Variants in ZNF618 observed in about 807,000 individuals in gnomAD.
ZNF618 encodes neural precursor cell expressed, developmentally down-regulated 10.
Under a neutral mutation model 103.0 loss-of-function variants are expected in ZNF618, and 34 were observed. That is an observed-to-expected ratio of 0.33 (90% confidence interval 0.25 to 0.44). ZNF618 has a LOEUF of 0.44. Among genes scored for constraint, ZNF618 ranks in the 20% least tolerant of loss-of-function variants. The pLI, the probability that ZNF618 is intolerant of heterozygous loss-of-function variation, is 1.00. For missense variants in ZNF618, 1,059 were observed against 1,295.4 expected, an observed-to-expected ratio of 0.82 and a Z score of 2.80; for synonymous variants, 551 against 542.2, an observed-to-expected ratio of 1.02 and a Z score of -0.23.
rs144836337 is a variant in ZNF618 at position 114,027,450 on chromosome 9, G to A, written c.845-1283G>A. The stretch of plus-strand genomic sequence containing the variant: ...AGGCGAGGAGTGGGTGACCCTCCAC[G>A]GGGGAGAATGGGCAGCCCCAGTCCT... On this transcript the variant is annotated intron_variant, in intron 10 of 14. Coordinates refer to ENST00000374126, the MANE Select transcript of ZNF618 (RefSeq NM_001318042.2). 5.6e-4 allele frequency among the ~76,000 whole-genome samples: 86 copies of A among 152,316 alleles called. 1 individual carries two copies. Among genetic ancestry groups the A allele is most frequent in the African/African-American group, 1.4e-3 (60 of 41,574 alleles).
chr9:113,909,118 C>CAAGGACACTCTCTCTCTCTCTGAGCTT (rs1831260942), intron 1 of ZNF618, among the ~76,000 whole-genome samples: 1 of 151,902 alleles, frequency 6.6e-6, no homozygotes, highest in Non-Finnish European at 1.5e-5. Context: ...GGGACCTGAG[C>CAAGGACACTCTCTCTCTCTCTGAGCTT]AAGGACACTC....
At chr9:113,891,820 T>C (rs186115175) in intron 1 of ZNF618, among the ~76,000 whole-genome samples, 154 of 152,288 alleles carry the variant, frequency 1.0e-3, no homozygotes, top group Admixed American at 2.4e-3. Context: ...TTAAAAATGG[T>C]TAAGATGGTA....
At position 114,002,651 on chromosome 9, in the gene ZNF618, C is replaced by T. The variant is rs760906803; in HGVS notation, c.539C>T (p.Ala180Val). ...RDTEATSGEGASQSNNFRYTC... is the reference protein window; with the variant it reads ...RDTEATSGEGVSQSNNFRYTC... ...ACCGAAGCCACCTCAGGGGAGGGAGCCTCCCAAAGCAGTGAGTACTTTTTC... is the reference window on the plus strand; with the variant it reads ...ACCGAAGCCACCTCAGGGGAGGGAGTCTCCCAAAGCAGTGAGTACTTTTTC... The change falls in exon 6 of 15, where the codon GCC becomes GTC. Residue 180 changes from alanine to valine, a missense_variant. Coordinates refer to ENST00000374126, the MANE Select transcript of ZNF618 (RefSeq NM_001318042.2). The T allele has an allele frequency of 1.2e-6, 2 of 1,611,174 alleles. No homozygotes were observed. The highest frequency in any genetic ancestry group is 2.7e-5 in the African/African-American group (2 of 74,912).
At chr9:113,945,844 T>TA (rs1834976853) in intron 1 of ZNF618, among the ~76,000 whole-genome samples, 1 of 152,226 alleles carries the variant, frequency 6.6e-6, no homozygotes, top group Non-Finnish European at 1.5e-5. Context: ...AAATGTCTCG[T>TA]AAAAAGTTAA....
intron 12 of ZNF618, among the ~76,000 whole-genome samples, chr9:114,032,951 C>T (rs1447607986): frequency 2.0e-5 from 3 of 152,146 alleles, no homozygotes; most frequent in African/African-American, 7.2e-5. Context: ...TGGACAATGC[C>T]TCCTCTCTGT....
At chr9:113,879,956 G>A (rs985078454) in intron 1 of ZNF618, among the ~76,000 whole-genome samples, 2 of 152,006 alleles carry the variant, frequency 1.3e-5, no homozygotes, top group Admixed American at 6.5e-5. Context: ...AAAGATGGCT[G>A]GTCAGTATAA....
chr9:114,044,397 T>C, intron 13 of ZNF618, among the ~76,000 whole-genome samples: 1 of 152,228 alleles, frequency 6.6e-6, no homozygotes, highest in East Asian at 1.9e-4. Flanking sequence ...TCTATTGGTC[T>C]ATGTGCCTAT....
rs538490721 is a variant in ZNF618, at chr9:113,920,197, G to C, written c.33+43784G>C. On this transcript the variant is annotated intron_variant, in intron 1 of 14. Coordinates refer to ENST00000374126, the MANE Select transcript of ZNF618 (RefSeq NM_001318042.2). ...TCATTCAGCCAGTTGCCATGGCGAT[G>C]CAGAAGTCACCTGCTTGATCTCTGA... Among the ~76,000 whole-genome samples, 3 of 152,268 alleles carry C rather than the reference G, an allele frequency of 2.0e-5. No individual in the cohort carries two copies. In the South Asian group the frequency reaches 6.2e-4, roughly 32 times the overall value.
intron 1 of ZNF618, among the ~76,000 whole-genome samples, chr9:113,920,786 T>G (rs1048210118): frequency 6.6e-6 from 1 of 152,254 alleles, no homozygotes; most frequent in Non-Finnish European, 1.5e-5. Flanking sequence ...GCAAGCACAG[T>G]ACCTAGCACA....
chr9:113,969,126 G>C lies in ZNF618; in HGVS notation c.43G>C (p.Ala15Pro). ...GGAAAPQADG[A>P]SAAGRKSTAS... ...TGGGTTTCTTTTGCAGGCTGACGGAGCCAGTGCAGCCGGAAGGAAAAGCAC... is the reference window on the plus strand; with the variant it reads ...TGGGTTTCTTTTGCAGGCTGACGGACCCAGTGCAGCCGGAAGGAAAAGCAC... Residue 15 changes from alanine to proline, a missense_variant, in exon 2 of 15, where the codon GCC (alanine) becomes CCC (proline). Ala to Pro is a conservative substitution (Grantham distance 27). Around this residue, in one of 6 missense-constraint regions of ZNF618, gnomAD observed 194 missense variants for 209.0 expected, o/e 0.93. Transcript: ENST00000374126. 1 of 1,613,930 alleles carries C rather than the reference G, an allele frequency of 6.2e-7. No homozygotes were observed. Among genetic ancestry groups the C allele is most frequent in the Non-Finnish European group, 8.5e-7 (1 of 1,179,882 alleles).
At chr9:113,969,214 G>A (rs1837721006) in intron 2 of ZNF618, 54 bp downstream of exon 2, 1 of 1,604,972 alleles carries the variant, frequency 6.2e-7, no homozygotes, top group Non-Finnish European at 8.5e-7. Flanking sequence ...AGGTCTTCAT[G>A]ACTAACAGTT....
chr9:113,965,844 A>G (rs1009903214), intron 1 of ZNF618, among the ~76,000 whole-genome samples: 16 of 152,162 alleles, frequency 1.1e-4, no homozygotes, highest in South Asian at 2.1e-4. Context: ...AGTAATGACT[A>G]TGTATACCAG....
intron 3 of ZNF618, among the ~76,000 whole-genome samples, chr9:113,989,943 G>C (rs1230072352): frequency 6.6e-6 from 1 of 152,218 alleles, no homozygotes; most frequent in Non-Finnish European, 1.5e-5. Context: ...TTGCTCCCCT[G>C]CTTATACCCT....
chr9:113,906,842 T>TC (rs1831035571), intron 1 of ZNF618, among the ~76,000 whole-genome samples: 1 of 152,208 alleles, frequency 6.6e-6, no homozygotes, highest in Admixed American at 6.5e-5. Context: ...TACTGAAAAG[T>TC]CCAGGGGTTA....
At chr9:113,973,195 A>T (rs954085993) in intron 2 of ZNF618, among the ~76,000 whole-genome samples, 1 of 152,194 alleles carries the variant, frequency 6.6e-6, no homozygotes, top group East Asian at 1.9e-4. Context: ...AGCTCATTTA[A>T]TCCTTCTTCA....
chr9:113,988,682 G>A, intron 3 of ZNF618, 102 bp downstream of exon 3: 7 of 1,443,558 alleles, frequency 4.8e-6, no homozygotes, highest in Non-Finnish European at 5.5e-6. Context: ...CTTCCTGGCT[G>A]AGAGAACCTT....
intron 12 of ZNF618, among the ~76,000 whole-genome samples, chr9:114,033,244 T>C (rs1196975779): frequency 6.6e-6 from 1 of 152,104 alleles, no homozygotes; most frequent in African/African-American, 2.4e-5. Context: ...ATCCCATCTC[T>C]ACTAAAAATA....
chr9:113,903,496 C>G (rs1830726211), intron 1 of ZNF618, among the ~76,000 whole-genome samples: 1 of 151,528 alleles, frequency 6.6e-6, no homozygotes, highest in Non-Finnish European at 1.5e-5. Context: ...TTAATCAACA[C>G]TCAGTATTTC....
intron 6 of ZNF618, among the ~76,000 whole-genome samples, 191 bp from the exon 7 acceptor site, chr9:114,007,159 C>T (rs926906720): frequency 7.2e-5 from 11 of 152,178 alleles, no homozygotes; most frequent in African/African-American, 1.7e-4. Flanking sequence ...CCGGCCCTCC[C>T]GGCTGTGCCC....
Sources: allele counts gnomAD v4.1 joint callset (sites outside exome capture counted in the v4.1 genomes callset), GRCh38; gene constraint gnomAD v4.1.1; regional missense constraint gnomAD v4.1.1; transcripts MANE v1.5; gene names NCBI Gene and HGNC (gene_info 2026-07-23, HGNC 2026-07-21).